The following THSD7B variants were observed in gnomAD, a reference collection of about 807,000 sequenced individuals.
THSD7B encodes the protein thrombospondin type 1 domain containing 7B.
A neutral mutation model predicts 213.6 loss-of-function variants in THSD7B; 138 were observed. The ratio of observed to expected loss-of-function variants is 0.65; its 90% CI spans 0.56 to 0.74. The LOEUF is 0.74. Among genes scored for constraint, THSD7B ranks in the 30% least tolerant of loss-of-function variants. THSD7B has a pLI of 0.00. For missense variants in THSD7B, 1,931 were observed against 1,991.5 expected, an observed-to-expected ratio of 0.97 and a Z score of 0.58; for synonymous variants, 742 against 687.0, an observed-to-expected ratio of 1.08 and a Z score of -1.25.
At chr2:137,007,937 G>A (rs1159759925) in intron 2 of THSD7B, among the ~76,000 whole-genome samples, 1 of 151,950 alleles carries the variant, frequency 6.6e-6, no homozygotes, top group Non-Finnish European at 1.5e-5. Context: ...ACAAATATGT[G>A]GACCACCTTT....
intron 15 of THSD7B, among the ~76,000 whole-genome samples, chr2:137,510,807 G>A (rs938229625): frequency 2.7e-4 from 41 of 151,900 alleles, no homozygotes; most frequent in African/African-American, 9.4e-4. Flanking sequence ...TTTATTTTTG[G>A]CTATTAGAAA....
At chr2:137,504,025 C>CA (rs1317714145) in intron 15 of THSD7B, among the ~76,000 whole-genome samples, 234 of 81,048 alleles carry the variant, frequency 2.9e-3, no homozygotes, top group African/African-American at 4.8e-3. Flanking sequence ...GACTCCATCT[C>CA]AAAAAAAAAA....
intron 1 of THSD7B, among the ~76,000 whole-genome samples, chr2:136,865,737 T>C (rs537273989): frequency 1.9e-4 from 29 of 152,222 alleles, no homozygotes; most frequent in Non-Finnish European, 3.4e-4. Flanking sequence ...GTTAGGAAGA[T>C]GTCATCCCTG....
intron 10 of THSD7B, among the ~76,000 whole-genome samples, chr2:137,253,340 A>C (rs1337684099): frequency 6.6e-6 from 1 of 152,216 alleles, no homozygotes; most frequent in South Asian, 2.1e-4. Flanking sequence ...TGTTCTTTAC[A>C]CCTGAAATGC....
At chr2:137,661,391 G>T (rs1192428810) in intron 25 of THSD7B, among the ~76,000 whole-genome samples, 1 of 151,996 alleles carries the variant, frequency 6.6e-6, no homozygotes, top group Non-Finnish European at 1.5e-5. Context: ...ACTCAGATAG[G>T]CATAGGTATA....
chr2:136,860,253 G>T (rs903531694), intron 1 of THSD7B, among the ~76,000 whole-genome samples: 1 of 151,994 alleles, frequency 6.6e-6, no homozygotes, highest in African/African-American at 2.4e-5. Flanking sequence ...GAGGGAGTGC[G>T]TTGATGGTGG....
chr2:137,411,809 C>G lies in THSD7B; in HGVS notation c.2896C>G (p.Arg966Gly). The G allele has an allele frequency of 3.1e-6, 5 of 1,613,976 alleles. No individual in the cohort carries two copies. Among genetic ancestry groups the G allele is most frequent in the Non-Finnish European group, 4.2e-6 (5 of 1,179,902 alleles). ...SKECGEGLRFRAVACSDKNGR... is the reference protein window; with the variant it reads ...SKECGEGLRFGAVACSDKNGR... ...AGAATGTGGAGAAGGCCTGCGCTTT[C>G]GAGCAGTAGCCTGTTCTGATAAAAA... Residue 966 changes from arginine (R) to glycine (G), a missense_variant, in exon 14 of 28, where the codon CGA becomes GGA. Arg to Gly is a moderately radical substitution (Grantham distance 125, BLOSUM62 -2). Coordinates refer to ENST00000409968, the MANE Select transcript of THSD7B (RefSeq NM_001316349.2).
At chr2:137,336,939 T>G (rs1015653259) in intron 12 of THSD7B, among the ~76,000 whole-genome samples, 4 of 152,082 alleles carry the variant, frequency 2.6e-5, no homozygotes. Context: ...ATATTTACTT[T>G]CTATTTAAAA....
intron 3 of THSD7B, among the ~76,000 whole-genome samples, chr2:137,075,243 C>A (rs1015369125): frequency 6.6e-6 from 1 of 152,192 alleles, no homozygotes; most frequent in African/African-American, 2.4e-5. Flanking sequence ...TAGATTTGGT[C>A]TTTTCACATA....
chr2:137,239,030 T>TA (rs1397808828), intron 9 of THSD7B, among the ~76,000 whole-genome samples: 1 of 152,210 alleles, frequency 6.6e-6, no homozygotes, highest in Non-Finnish European at 1.5e-5. Flanking sequence ...ATCAAAGCGT[T>TA]ACGTGTTTTA....
chr2:137,304,034 C>CTTATGAAGGAGAACATGTGGTGAT (rs1404371881), intron 12 of THSD7B, among the ~76,000 whole-genome samples: 1 of 151,622 alleles, frequency 6.6e-6, no homozygotes, highest in African/African-American at 2.4e-5. Flanking sequence ...TCAACTCCCA[C>CTTATGAAGGAGAACATGTGGTGAT]TTATGAAGGA....
intron 15 of THSD7B, 28 bp downstream of exon 15, chr2:137,451,051 A>G: frequency 6.6e-7 from 1 of 1,504,588 alleles, no homozygotes. Flanking sequence ...ACAAATAAAA[A>G]GCTAAAAAAG....
chr2:137,355,444 A>T (rs892350636), intron 12 of THSD7B, among the ~76,000 whole-genome samples: 2 of 152,186 alleles, frequency 1.3e-5, no homozygotes, highest in Admixed American at 1.3e-4. Flanking sequence ...TTTCTTTTGT[A>T]AAGATACGTC....
intron 12 of THSD7B, among the ~76,000 whole-genome samples, chr2:137,371,483 A>C (rs915962614): frequency 1.3e-5 from 2 of 152,192 alleles, no homozygotes; most frequent in Non-Finnish European, 2.9e-5. Context: ...AATTTTATGA[A>C]GATGTATCCT....
intron 25 of THSD7B, among the ~76,000 whole-genome samples, chr2:137,661,376 G>T (rs1173299905): frequency 6.6e-6 from 1 of 152,038 alleles, no homozygotes; most frequent in East Asian, 1.9e-4. Flanking sequence ...TACAAGGAAG[G>T]AGTAACTCAG....
chr2:136,903,015 G>A (rs1314215643), intron 2 of THSD7B, among the ~76,000 whole-genome samples: 1 of 152,150 alleles, frequency 6.6e-6, no homozygotes, highest in East Asian at 1.9e-4. Context: ...TATGAGTGTG[G>A]CCCAGTTGTG....
intron 14 of THSD7B, among the ~76,000 whole-genome samples, chr2:137,438,863 A>T (rs1008811396): frequency 6.6e-6 from 1 of 152,148 alleles, no homozygotes; most frequent in African/African-American, 2.4e-5. Context: ...GATGTAATTA[A>T]GTTAAGGAAC....
At chr2:136,895,644 A>G (rs1683946016) in intron 2 of THSD7B, among the ~76,000 whole-genome samples, 1 of 148,368 alleles carries the variant, frequency 6.7e-6, no homozygotes, top group Admixed American at 7.0e-5. Flanking sequence ...CATAATATTT[A>G]CCAATTTAAA....
chr2:137,017,006 G>A (rs1443782857), intron 2 of THSD7B, among the ~76,000 whole-genome samples: 3 of 152,094 alleles, frequency 2.0e-5, no homozygotes, highest in African/African-American at 7.2e-5. Flanking sequence ...CCATTATGTT[G>A]TAAATAGGAA....
Sources: allele counts gnomAD v4.1 joint callset (sites outside exome capture counted in the v4.1 genomes callset), GRCh38; gene constraint gnomAD v4.1.1; transcripts MANE v1.5; gene names NCBI Gene and HGNC (gene_info 2026-07-23, HGNC 2026-07-21).